The following STK32B variants were observed in gnomAD, a reference collection of about 807,000 sequenced individuals.
STK32B encodes serine/threonine-protein kinase 32B.
In STK32B, 43 loss-of-function variants were observed where a neutral mutation model predicts 52.6. That is an observed-to-expected ratio of 0.82 (90% CI 0.64 to 1.05). The LOEUF is 1.05. STK32B is among the 50% of genes least tolerant of loss of function. The pLI is 0.00. For missense variants in STK32B, 621 were observed against 534.6 expected, an observed-to-expected ratio of 1.16 and a Z score of -1.59; for synonymous variants, 238 against 204.3, an observed-to-expected ratio of 1.17 and a Z score of -1.41.
intron 4 of STK32B, among the ~76,000 whole-genome samples, chr4:5,348,284 T>G (rs1733599236): frequency 6.6e-6 from 1 of 152,322 alleles, no homozygotes; most frequent in Non-Finnish European, 1.5e-5. Context: ...GGGAAGGCAC[T>G]GCTCCAGAGA....
intron 3 of STK32B, among the ~76,000 whole-genome samples, chr4:5,259,164 C>T (rs1431329822): frequency 2.0e-5 from 3 of 152,176 alleles, no homozygotes; most frequent in Non-Finnish European, 2.9e-5. Flanking sequence ...CACACACCTC[C>T]TCTATTTTTT....
chr4:5,145,841 G>A (rs879789647), intron 2 of STK32B, among the ~76,000 whole-genome samples: 1 of 152,016 alleles, frequency 6.6e-6, no homozygotes, highest in Non-Finnish European at 1.5e-5. Flanking sequence ...TTTCTATTTC[G>A]ATAAGATCCA....
intron 3 of STK32B, among the ~76,000 whole-genome samples, chr4:5,212,560 C>CT (rs1215225207): frequency 2.0e-5 from 3 of 152,246 alleles, no homozygotes; most frequent in Non-Finnish European, 4.4e-5. Context: ...TCAAAGCAAA[C>CT]TGGCACCTCG....
chr4:5,280,321 T>C (rs1728109717), intron 3 of STK32B, among the ~76,000 whole-genome samples: 1 of 152,148 alleles, frequency 6.6e-6, no homozygotes, highest in Non-Finnish European at 1.5e-5. Flanking sequence ...AGTAAGTTCC[T>C]CATCTCCATC....
At chr4:5,247,257 C>A (rs28847048) in intron 3 of STK32B, among the ~76,000 whole-genome samples, 23,072 of 152,166 alleles carry the variant, frequency 0.15, 1,960 homozygotes, top group Admixed American at 0.24. Flanking sequence ...TTTACCTACT[C>A]AAGCCTGAGC....
At chr4:5,019,602 G>A in the STK32B span, 11 of 737,524 alleles carry the variant, frequency 1.5e-5, no homozygotes, top group African/African-American at 1.3e-4. Flanking sequence ...GGGCAGGGTC[G>A]GGACAGGAAT....
At chr4:5,187,183 G>A (rs1389537898) in intron 3 of STK32B, among the ~76,000 whole-genome samples, 2 of 152,172 alleles carry the variant, frequency 1.3e-5, no homozygotes, top group African/African-American at 4.8e-5. Flanking sequence ...GATTCTTCCA[G>A]ACCTGTGGGC....
intron 6 of STK32B, among the ~76,000 whole-genome samples, chr4:5,438,572 C>T (rs373007130): frequency 4.6e-5 from 7 of 152,076 alleles, no homozygotes; most frequent in Non-Finnish European, 7.4e-5. Context: ...GCAGAGGAAG[C>T]GGAGGTTGGA....
At chr4:5,095,942 T>G (rs544670539) in intron 1 of STK32B, among the ~76,000 whole-genome samples, 212 of 152,338 alleles carry the variant, frequency 1.4e-3, no homozygotes, top group Non-Finnish European at 2.4e-3. Flanking sequence ...AAGATTTAAG[T>G]GAAAAAGCTG....
chr4:5,417,599 C>T (rs1020325703), intron 6 of STK32B, among the ~76,000 whole-genome samples: 7 of 152,042 alleles, frequency 4.6e-5, no homozygotes, highest in Non-Finnish European at 7.4e-5. Flanking sequence ...ATCATTTTCC[C>T]TTTATTTCTT....
intron 3 of STK32B, among the ~76,000 whole-genome samples, chr4:5,187,024 C>T (rs1345804886): frequency 1.3e-5 from 2 of 152,160 alleles, no homozygotes; most frequent in Non-Finnish European, 2.9e-5. Flanking sequence ...CCAGAGGACA[C>T]GCAGTACAAA....
intron 4 of STK32B, among the ~76,000 whole-genome samples, chr4:5,367,966 G>A (rs565590602): frequency 2.6e-5 from 4 of 152,224 alleles, no homozygotes; most frequent in East Asian, 3.9e-4. Context: ...CTGCTCCGTC[G>A]TTTCTTTTCC....
chr4:5,197,945 T>C (rs1053063469), intron 3 of STK32B, among the ~76,000 whole-genome samples: 1 of 152,220 alleles, frequency 6.6e-6, no homozygotes, highest in East Asian at 1.9e-4. Context: ...TTCTGTTGTT[T>C]TTTTTTCCAG....
In STK32B at chr4:5,083,885, G is replaced by A. The variant is rs35835733; in HGVS notation, c.52+31970G>A. Among the ~76,000 whole-genome samples the A allele has an allele frequency of 2.4e-4, 36 of 152,070 alleles. 1 individual carries two copies. The East Asian group carries it at 4.8e-3, about 20-fold the overall frequency. On this transcript the variant is annotated intron_variant, in intron 1 of 11. Coordinates refer to ENST00000282908, the MANE Select transcript of STK32B (RefSeq NM_018401.3). ...CCAAGTACTGAGGTTAAAAGCACCCGCCACCACATCTGGCTAATTTTTGTA... is the reference window on the plus strand; with the variant it reads ...CCAAGTACTGAGGTTAAAAGCACCCACCACCACATCTGGCTAATTTTTGTA...
chr4:5,046,726 C>T (rs563234282), upstream of STK32B, among the ~76,000 whole-genome samples: 2 of 152,096 alleles, frequency 1.3e-5, no homozygotes, highest in African/African-American at 4.8e-5. Flanking sequence ...AGCCATCAAA[C>T]ACATGAAAAA....
chr4:5,083,669 T>A (rs1712557368), intron 1 of STK32B, among the ~76,000 whole-genome samples: 1 of 152,160 alleles, frequency 6.6e-6, no homozygotes, highest in Non-Finnish European at 1.5e-5. Context: ...TATTCATCTG[T>A]GTTTAAATGA....
intron 8 of STK32B, among the ~76,000 whole-genome samples, chr4:5,458,263 ATGCATGGAGCTGAGTCT>A (rs560574331): frequency 6.6e-6 from 1 of 152,252 alleles, no homozygotes; most frequent in Non-Finnish European, 1.5e-5. Flanking sequence ...ATCCTCCACG[ATGCATGGAGCTGAGTCT>A]TGCATGGAGC....
rs139570843 is a variant in STK32B, at chr4:5,314,158, TAA to T, written c.261-17061_261-17060del. Among the ~76,000 whole-genome samples the T allele has an allele frequency of 6.7e-3, 1,016 of 152,244 alleles. 10 individuals are homozygous for T. Among genetic ancestry groups the T allele is most frequent in the African/African-American group, 0.023 (948 of 41,544 alleles). On this transcript the variant is annotated intron_variant, in intron 3 of 11. Transcript: ENST00000282908. The stretch of plus-strand genomic sequence containing the variant: ...AAGCAGGAGTCAGCCTACTCAATGT[TAA>T]GTTTTATTATGTAACTGTAGTAATC...
At chr4:5,111,196 C>G (rs1280002697) in intron 1 of STK32B, among the ~76,000 whole-genome samples, 1 of 152,064 alleles carries the variant, frequency 6.6e-6, no homozygotes, top group Non-Finnish European at 1.5e-5. Context: ...TTATGGGAAA[C>G]AGTATAAAGA....
Sources: allele counts gnomAD v4.1 joint callset (sites outside exome capture counted in the v4.1 genomes callset), GRCh38; gene constraint gnomAD v4.1.1; transcripts MANE v1.5; gene names NCBI Gene and HGNC (gene_info 2026-07-23, HGNC 2026-07-21).